The following LRRTM4 variants were observed in gnomAD, a reference collection of about 807,000 sequenced individuals.
LRRTM4 encodes leucine-rich repeat transmembrane neuronal protein 4.
Under a neutral mutation model 47.6 loss-of-function variants are expected in LRRTM4, and 25 were observed. The ratio of observed to expected loss-of-function variants is 0.53; its 90% CI spans 0.38 to 0.73. The LOEUF (loss-of-function observed/expected upper bound fraction) is 0.73, where lower values mean the gene tolerates loss of function less well. Among genes scored for constraint, LRRTM4 ranks in the 30% least tolerant of loss-of-function variants. The pLI is 0.00. For synonymous variants in LRRTM4, 311 were observed against 269.5 expected (o/e 1.15, Z -1.51); for missense variants, 638 against 713.4 (o/e 0.89, Z 1.20).
intron 3 of LRRTM4, among the ~76,000 whole-genome samples, chr2:77,168,487 T>C (rs1453525008): frequency 6.6e-6 from 1 of 152,126 alleles, no homozygotes; most frequent in African/African-American, 2.4e-5. Context: ...ATATGTACAA[T>C]GTGTAATGAT....
intron 3 of LRRTM4, among the ~76,000 whole-genome samples, chr2:77,499,781 T>C (rs556770117): frequency 2.2e-4 from 34 of 151,998 alleles, no homozygotes; most frequent in African/African-American, 7.9e-4. Context: ...TTTATATATG[T>C]TGCTTTGTGT....
intron 3 of LRRTM4, among the ~76,000 whole-genome samples, chr2:77,241,465 A>G (rs951828596): frequency 1.3e-5 from 2 of 152,070 alleles, no homozygotes; most frequent in African/African-American, 4.8e-5. Flanking sequence ...GGGGGTAAAA[A>G]TGCAATATGA....
At chr2:76,898,386 A>G (rs1673496206) in intron 3 of LRRTM4, among the ~76,000 whole-genome samples, 1 of 151,992 alleles carries the variant, frequency 6.6e-6, no homozygotes, top group Non-Finnish European at 1.5e-5. Context: ...TTGCTTCAAT[A>G]AAAATTTCAC....
At position 76,747,828 on chromosome 2, in the gene LRRTM4, T is replaced by A. The variant is rs1357988161; in HGVS notation, c.*867A>T. ...ACATTATCTTGTGTTTAGAAATTTG[T>A]CAGCTTGGCAGTTTCATTCATTGAG... On this transcript the variant is annotated 3_prime_UTR_variant, in exon 4 of 4. Coordinates refer to ENST00000409884, the MANE Select transcript of LRRTM4 (RefSeq NM_001134745.3). 6.6e-6 allele frequency: 1 copy of A among 152,238 alleles called. No homozygotes were observed. The highest frequency in any genetic ancestry group is 1.5e-5 in the Non-Finnish European group (1 of 68,046). 9.4% of individuals were successfully genotyped at this position (152,238 alleles called of 1,614,324 possible).
rs191891617 is a variant in LRRTM4 at position 76,848,817 on chromosome 2, T to G, written c.1552-99901A>C. 6.6e-5 allele frequency among the ~76,000 whole-genome samples: 10 copies of G among 152,282 alleles called. No individual in the cohort carries two copies. In the East Asian group the frequency reaches 1.7e-3, roughly 26 times the overall value. ...ATAAAATTTATTTTCTGAAGAATAT[T>G]TGGAACAAGAATTTACATGTTAATA... On this transcript the variant is annotated intron_variant, in intron 3 of 3. Transcript: ENST00000409884.
intron 3 of LRRTM4, among the ~76,000 whole-genome samples, chr2:76,785,611 T>G (rs1397573293): frequency 1.4e-4 from 22 of 152,106 alleles, no homozygotes; most frequent in Admixed American, 1.4e-3. Flanking sequence ...TGTAATAGCT[T>G]TCTTCATAAA....
rs754508781 is a variant in LRRTM4, at chr2:77,519,736, C to G, written c.133G>C (p.Val45Leu). 8.7e-6 allele frequency: 14 copies of G among 1,613,378 alleles called. No homozygotes were observed. Among genetic ancestry groups the G allele is most frequent in the Non-Finnish European group, 1.2e-5 (14 of 1,179,584 alleles). ...GCGAAAGCATGAGACTCACAGTACACAATTTTGCCATCACATCTGCAGTTC... is the reference window on the plus strand; with the variant it reads ...GCGAAAGCATGAGACTCACAGTACAGAATTTTGCCATCACATCTGCAGTTC... Reference protein sequence around the residue: ...PKNCRCDGKIVYCESHAFADI... With the variant: ...PKNCRCDGKILYCESHAFADI... Residue 45 changes from valine to leucine, a missense_variant, in exon 3 of 4, where the codon GTG (valine) becomes CTG (leucine). Coordinates refer to ENST00000409884, the MANE Select transcript of LRRTM4 (RefSeq NM_001134745.3). This position sits in a 1 kb window ranked among gnomAD's most constrained non-coding sequence, Gnocchi z 4.6.
At chr2:76,844,353 T>C (rs1671777790) in intron 3 of LRRTM4, among the ~76,000 whole-genome samples, 1 of 152,110 alleles carries the variant, frequency 6.6e-6, no homozygotes, top group Non-Finnish European at 1.5e-5. Flanking sequence ...GCCAGGATGG[T>C]CTCAATCTCC....
chr2:77,410,099 C>A (rs1371778677), intron 3 of LRRTM4, among the ~76,000 whole-genome samples: 5 of 151,928 alleles, frequency 3.3e-5, no homozygotes, highest in African/African-American at 1.2e-4. Flanking sequence ...ACATCTATAT[C>A]CATATCTACA....
At chr2:76,828,524 G>A (rs759657371) in intron 3 of LRRTM4, among the ~76,000 whole-genome samples, 2 of 151,930 alleles carry the variant, frequency 1.3e-5, no homozygotes, top group Non-Finnish European at 2.9e-5. Flanking sequence ...GTGTAATGCT[G>A]CCCTTTGAGA....
At chr2:77,192,974 C>T (rs1161932529) in intron 3 of LRRTM4, among the ~76,000 whole-genome samples, 1 of 152,060 alleles carries the variant, frequency 6.6e-6, no homozygotes, top group African/African-American at 2.4e-5. Flanking sequence ...AAGTCATATG[C>T]TGCATAAGGA....
chr2:77,419,568 C>T (rs537368110), intron 3 of LRRTM4, among the ~76,000 whole-genome samples: 1 of 152,076 alleles, frequency 6.6e-6, no homozygotes, highest in African/African-American at 2.4e-5. Flanking sequence ...GAAAAAAAAT[C>T]TGTACATGTT....
At chr2:76,752,425 A>G (rs1327337578) in intron 3 of LRRTM4, among the ~76,000 whole-genome samples, 2 of 152,140 alleles carry the variant, frequency 1.3e-5, no homozygotes, top group South Asian at 2.1e-4. Context: ...TTGTTTTGCT[A>G]TTACAATTGC....
intron 3 of LRRTM4, among the ~76,000 whole-genome samples, chr2:77,067,680 G>A (rs1312916486): frequency 9.1e-6 from 1 of 110,482 alleles, no homozygotes; most frequent in African/African-American, 4.6e-5. Context: ...GGTTTTCAAA[G>A]ATACGTACAC....
intron 3 of LRRTM4, among the ~76,000 whole-genome samples, chr2:77,433,188 C>T (rs895949116): frequency 3.3e-5 from 5 of 152,128 alleles, no homozygotes; most frequent in South Asian, 2.1e-4. Context: ...CCCAAGCCTT[C>T]GTACTGTACC....
intron 3 of LRRTM4, among the ~76,000 whole-genome samples, chr2:76,979,618 CACG>C (rs1379664114): frequency 1.4e-5 from 2 of 144,850 alleles, no homozygotes; most frequent in Non-Finnish European, 1.5e-5. Context: ...AGGGAACTAG[CACG>C]ACATTTTATG....
intron 3 of LRRTM4, among the ~76,000 whole-genome samples, chr2:77,509,656 C>T (rs1330930125): frequency 6.6e-6 from 1 of 152,036 alleles, no homozygotes; most frequent in Non-Finnish European, 1.5e-5. Flanking sequence ...AACAGTAGGG[C>T]TTATGGTTAA....
chr2:77,280,078 G>C (rs1676468154), intron 3 of LRRTM4, among the ~76,000 whole-genome samples: 1 of 152,032 alleles, frequency 6.6e-6, no homozygotes, highest in Non-Finnish European at 1.5e-5. Flanking sequence ...TAAGTAGCGA[G>C]ATTATCCTGA....
intron 3 of LRRTM4, among the ~76,000 whole-genome samples, chr2:77,472,657 A>G (rs565283339): frequency 9.2e-5 from 14 of 152,272 alleles, no homozygotes; most frequent in African/African-American, 3.1e-4. Context: ...CAAAAATTCA[A>G]TGTTGTAGGG....
Sources: gnomAD v4.1 joint callset for allele counts (sites outside exome capture counted in the v4.1 genomes callset) on GRCh38, gnomAD v4.1.1 for gene constraint, Gnocchi (gnomAD v3.1) non-coding constraint, MANE v1.5 for transcripts, NCBI Gene and HGNC (gene_info 2026-07-23, HGNC 2026-07-21) for gene names.